The following SLC22A9 variants were observed in gnomAD, a reference collection of about 807,000 sequenced individuals.
SLC22A9 encodes solute carrier family 22 member 9.
SLC22A9 carries 64 observed loss-of-function variants against 50.1 expected under a neutral mutation model. The ratio of observed to expected loss-of-function variants is 1.28; its 90% CI spans 1.04 to 1.57. The LOEUF is 1.57. SLC22A9 is among the 40% of genes most tolerant of loss of function. The pLI is 0.00. For missense variants in SLC22A9, 757 were observed against 676.1 expected, an observed-to-expected ratio of 1.12 and a Z score of -1.33; for synonymous variants, 261 against 242.5, an observed-to-expected ratio of 1.08 and a Z score of -0.71.
At chr11:63,408,338 T>A in intron 8 of SLC22A9, 118 bp downstream of exon 8, 1 of 813,280 alleles carries the variant, frequency 1.2e-6, no homozygotes, top group South Asian at 1.7e-5. Flanking sequence ...ATAACAGTCA[T>A]AAACACAAAT....
In SLC22A9 at chr11:63,402,365, G is replaced by C. The variant is rs114377245; in HGVS notation, c.1074-4132G>C. On this transcript the variant is annotated intron_variant, in intron 6 of 9. Transcript: ENST00000279178. ...TATCCAAGCACTATCTATTGAATAGGGAGTCTTTCCCCATTGCTTGCTTTT... is the reference window on the plus strand; with the variant it reads ...TATCCAAGCACTATCTATTGAATAGCGAGTCTTTCCCCATTGCTTGCTTTT... Among the ~76,000 whole-genome samples, 324 of 152,136 alleles carry C rather than the reference G, an allele frequency of 2.1e-3. 1 individual carries two copies. Among genetic ancestry groups the C allele is most frequent in the African/African-American group, 7.4e-3 (308 of 41,532 alleles).
In SLC22A9 at chr11:63,409,969, G is replaced by A. The variant is rs1312366383; in HGVS notation, c.*107G>A. On this transcript the variant is annotated 3_prime_UTR_variant, in exon 10 of 10. Coordinates refer to ENST00000279178, the MANE Select transcript of SLC22A9 (RefSeq NM_080866.3). The stretch of plus-strand genomic sequence containing the variant: ...GAAAATAAATAACAAGGCTGGGTGC[G>A]GTGGCTCACGCCTGTAATCCCAGCA... 1.6e-5 allele frequency: 20 copies of A among 1,260,458 alleles called. No homozygotes were observed. Among genetic ancestry groups the A allele is most frequent in the East Asian group, 5.1e-5 (2 of 39,094 alleles). The allele number at this position is 1,260,458 out of a possible 1,614,324, so 78.1% of individuals were successfully genotyped here. A position where few individuals can be genotyped will look rare whatever the true frequency, so the allele number is the denominator to read the frequency against.
In SLC22A9 at chr11:63,370,464, A is replaced by G. The variant is rs747127226; in HGVS notation, c.402+6A>G. 6.4e-7 allele frequency: 1 copy of G among 1,572,862 alleles called. No homozygotes were observed. The highest frequency in any genetic ancestry group is 1.2e-5 in the South Asian group (1 of 82,236). On this transcript the variant is annotated splice_donor_region_variant and intron_variant, in intron 1 of 9. Transcript: ENST00000279178. ...CATCCACCATCGTGACTGAGGTAAGAGGCTCTGTTCTCGTCTCATGAGTAT... is the reference window on the plus strand; with the variant it reads ...CATCCACCATCGTGACTGAGGTAAGGGGCTCTGTTCTCGTCTCATGAGTAT...
At chr11:63,409,763 T>G in intron 9 of SLC22A9, 39 bp from the exon 10 acceptor site, 1 of 1,574,896 alleles carries the variant, frequency 6.3e-7, no homozygotes, top group African/African-American at 1.6e-5. Context: ...GTCTTTTCAT[T>G]TTTGTGATTT....
At chr11:63,394,955 C>T (rs2014827916) in intron 6 of SLC22A9, among the ~76,000 whole-genome samples, 1 of 151,342 alleles carries the variant, frequency 6.6e-6, no homozygotes, top group Non-Finnish European at 1.5e-5. Context: ...ATTTTTTTGT[C>T]TTTGTTAGAT....
chr11:63,409,106 CA>C (rs2015091694), intron 9 of SLC22A9, among the ~76,000 whole-genome samples: 1 of 152,178 alleles, frequency 6.6e-6, no homozygotes, highest in African/African-American at 2.4e-5. Context: ...CCCAGCTTGT[CA>C]AAGGAGGCTT....
In SLC22A9 at chr11:63,408,176, C is replaced by A; in HGVS notation, c.1353C>A (p.Thr451=). ...TAGGAGCGTCTGCTCTTGCCAATAC[C>A]CTTGCTTTTGCCCATGGAAATGAAG... is the stretch of plus-strand genomic sequence containing the variant. ...LGLGASALAN[T]LAFAHGNEVI... is the part of the protein sequence containing the mutation. The change falls in exon 8 of 10, where the codon ACC becomes ACA. Residue 451 remains threonine (T), a synonymous_variant. Coordinates refer to ENST00000279178, the MANE Select transcript of SLC22A9 (RefSeq NM_080866.3). 6.2e-7 allele frequency: 1 copy of A among 1,613,718 alleles called. No individual in the cohort carries two copies. The highest frequency in any genetic ancestry group is 8.5e-7 in the Non-Finnish European group (1 of 1,179,760).
chr11:63,395,698 T>C (rs2014841950), intron 6 of SLC22A9, among the ~76,000 whole-genome samples: 1 of 152,190 alleles, frequency 6.6e-6, no homozygotes, highest in Admixed American at 6.5e-5. Context: ...GTTGGCCTCC[T>C]GGCTGGGGGT....
rs752409434 is a variant in SLC22A9 at position 63,370,284 on chromosome 11, C to T, written c.228C>T (p.Ser76=). The change falls in exon 1 of 10, where the codon TCC becomes TCT. Residue 76 remains serine (S), a synonymous_variant. Transcript: ENST00000279178. ...GCCAAGATGCACTCTTGAGAATCTC[C>T]ATCCCACTGGACTCAAACATGAGGC... The part of the protein sequence containing the change: ...ALSQDALLRI[S]IPLDSNMRPE... 4.3e-6 allele frequency: 7 copies of T among 1,613,954 alleles called. No homozygotes were observed. The highest frequency in any genetic ancestry group is 1.3e-5 in the African/African-American group (1 of 74,936).
chr11:63,389,632 C>T (rs191006622), intron 6 of SLC22A9, among the ~76,000 whole-genome samples: 12 of 152,192 alleles, frequency 7.9e-5, no homozygotes, highest in East Asian at 7.7e-4. Flanking sequence ...AATAGTGCTG[C>T]GATAAACATA....
intron 3 of SLC22A9, 29 bp downstream of exon 3, chr11:63,373,827 C>T: frequency 6.2e-7 from 1 of 1,604,054 alleles, no homozygotes; most frequent in African/African-American, 1.3e-5. Flanking sequence ...TCCACATTTT[C>T]CAAACTGTGA....
chr11:63,393,288 T>C (rs992850727), intron 6 of SLC22A9, among the ~76,000 whole-genome samples: 1 of 152,194 alleles, frequency 6.6e-6, no homozygotes, highest in Non-Finnish European at 1.5e-5. Flanking sequence ...ATTCTTCACT[T>C]GGTCTCTGTT....
intron 6 of SLC22A9, among the ~76,000 whole-genome samples, chr11:63,398,375 C>G (rs2014895987): frequency 6.6e-6 from 1 of 152,128 alleles, no homozygotes; most frequent in Non-Finnish European, 1.5e-5. Context: ...GATCCCAGGC[C>G]CAGCACAGCA....
chr11:63,393,338 G>A (rs2014797122), intron 6 of SLC22A9, among the ~76,000 whole-genome samples: 1 of 152,130 alleles, frequency 6.6e-6, no homozygotes, highest in South Asian at 2.1e-4. Context: ...CATTAATTTT[G>A]TATCTGGAAA....
intron 5 of SLC22A9, among the ~76,000 whole-genome samples, chr11:63,378,716 T>G (rs1255263673): frequency 6.6e-6 from 1 of 152,184 alleles, no homozygotes; most frequent in African/African-American, 2.4e-5. Flanking sequence ...AGCATTTCTA[T>G]ACGCTGACAT....
intron 6 of SLC22A9, 57 bp from the exon 7 acceptor site, chr11:63,406,440 T>C: frequency 1.3e-6 from 2 of 1,486,496 alleles, no homozygotes; most frequent in Non-Finnish European, 1.9e-6. Context: ...TATTCTCATT[T>C]GTAGGATGTA....
At chr11:63,383,092 G>C (rs1345565356) in intron 6 of SLC22A9, among the ~76,000 whole-genome samples, 1 of 152,114 alleles carries the variant, frequency 6.6e-6, no homozygotes, top group Non-Finnish European at 1.5e-5. Flanking sequence ...TGGATGTTTG[G>C]GTCACTGAAT....
intron 6 of SLC22A9, among the ~76,000 whole-genome samples, chr11:63,398,820 G>A (rs923741488): frequency 5.9e-5 from 9 of 152,150 alleles, no homozygotes; most frequent in Non-Finnish European, 7.4e-5. Flanking sequence ...CTCTTATGAA[G>A]CTGCCTTTTG....
intron 4 of SLC22A9, among the ~76,000 whole-genome samples, chr11:63,374,753 A>T (rs1236034126): frequency 6.6e-6 from 1 of 152,110 alleles, no homozygotes; most frequent in Non-Finnish European, 1.5e-5. Context: ...TACATGATGG[A>T]GAAGTTTGGG....
Sources: allele counts gnomAD v4.1 joint callset (sites outside exome capture counted in the v4.1 genomes callset), GRCh38; gene constraint gnomAD v4.1.1; transcripts MANE v1.5; gene names NCBI Gene and HGNC (gene_info 2026-07-23, HGNC 2026-07-21).